Variants in PCED1B observed in about 807,000 individuals in gnomAD.
PCED1B encodes the protein PC-esterase domain containing 1B.
For synonymous variants in PCED1B, 251 were observed against 246.1 expected, an observed-to-expected ratio of 1.02 and a Z score of -0.19; for missense variants, 573 against 573.9, an observed-to-expected ratio of 1.00 and a Z score of 0.02.
At chr12:47,200,144 A>C (rs1459577162) in intron 2 of PCED1B, among the ~76,000 whole-genome samples, 1 of 151,994 alleles carries the variant, frequency 6.6e-6, no homozygotes, top group African/African-American at 2.4e-5. Context: ...GTAGTGAACC[A>C]AGTTCACACC....
chr12:47,200,155 A>G (rs1399659817), intron 2 of PCED1B, among the ~76,000 whole-genome samples: 1 of 152,016 alleles, frequency 6.6e-6, no homozygotes, highest in East Asian at 1.9e-4. Flanking sequence ...AGTTCACACC[A>G]CTGCACTCCA....
At chr12:47,171,442 T>A (rs1191944571) in intron 2 of PCED1B, among the ~76,000 whole-genome samples, 1 of 152,198 alleles carries the variant, frequency 6.6e-6, no homozygotes, top group Non-Finnish European at 1.5e-5. Context: ...AGATTTCTCT[T>A]GCAGTAAATT....
At chr12:47,185,759 C>T (rs1942237436) in intron 2 of PCED1B, among the ~76,000 whole-genome samples, 1 of 149,844 alleles carries the variant, frequency 6.7e-6, no homozygotes, top group African/African-American at 2.5e-5. Context: ...ACTACTACTC[C>T]AGCTTGGGCA....
chr12:47,234,216 G>A (rs1425012679), intron 3 of PCED1B, among the ~76,000 whole-genome samples: 2 of 152,032 alleles, frequency 1.3e-5, no homozygotes, highest in South Asian at 2.1e-4. Context: ...TCGGACTCCC[G>A]ACCTCGGGTG....
rs1592274318 is a variant in PCED1B, at chr12:47,200,252, G to A, written c.-525-15970G>A. Reference sequence around the variant, plus strand: ...AGTGTTAATATTCAACAGTATGAAAGCAAACAACCCAAGTAAAAACACGGG... The same window carrying A: ...AGTGTTAATATTCAACAGTATGAAAACAAACAACCCAAGTAAAAACACGGG... On this transcript the variant is annotated intron_variant, in intron 2 of 3. Coordinates refer to ENST00000546455, the MANE Select transcript of PCED1B (RefSeq NM_138371.3). 4.6e-5 allele frequency among the ~76,000 whole-genome samples: 7 copies of A among 151,676 alleles called. No homozygotes were observed. In the South Asian group the frequency reaches 1.5e-3, roughly 31 times the overall value.
intron 2 of PCED1B, among the ~76,000 whole-genome samples, chr12:47,160,303 T>A (rs1482827762): frequency 4.5e-5 from 6 of 132,326 alleles, no homozygotes; most frequent in Non-Finnish European, 1.6e-5. Flanking sequence ...CTTTTTTTTT[T>A]TTTTTTTTTT....
intron 2 of PCED1B, among the ~76,000 whole-genome samples, chr12:47,168,227 C>T (rs568009240): frequency 6.6e-6 from 1 of 152,248 alleles, no homozygotes; most frequent in Non-Finnish European, 1.5e-5. Context: ...GTCTTTTAAG[C>T]CTCCTTCTGT....
At chr12:47,151,875 G>A (rs1194195686) in intron 2 of PCED1B, among the ~76,000 whole-genome samples, 1 of 152,148 alleles carries the variant, frequency 6.6e-6, no homozygotes, top group Non-Finnish European at 1.5e-5. Context: ...ATCCCACCCA[G>A]AAACAGTCTT....
At chr12:47,106,539 C>T (rs752623492) in intron 2 of PCED1B, among the ~76,000 whole-genome samples, 15 of 152,108 alleles carry the variant, frequency 9.9e-5, no homozygotes, top group Non-Finnish European at 2.1e-4. Flanking sequence ...GGAAAAGCAT[C>T]AGCAAACGCG....
At chr12:47,098,798 A>G (rs1298559224) in intron 1 of PCED1B, among the ~76,000 whole-genome samples, 1 of 152,142 alleles carries the variant, frequency 6.6e-6, no homozygotes, top group Non-Finnish European at 1.5e-5. Flanking sequence ...TTTTTTTAAA[A>G]GCAAAGAGAC....
At chr12:47,210,220 A>G (rs1046380606) in intron 2 of PCED1B, 35 of 152,222 alleles carry the variant, frequency 2.3e-4, no homozygotes, top group African/African-American at 8.2e-4. Context: ...GTATTTTAAA[A>G]CTATGCCATA....
intron 2 of PCED1B, among the ~76,000 whole-genome samples, chr12:47,214,545 T>C (rs1044266949): frequency 6.6e-6 from 1 of 152,126 alleles, no homozygotes; most frequent in African/African-American, 2.4e-5. Flanking sequence ...CGGTGGCTCA[T>C]GCCTGTGATC....
intron 3 of PCED1B, among the ~76,000 whole-genome samples, chr12:47,217,572 GTTGTTT>G (rs1436896180): frequency 1.2e-4 from 18 of 151,910 alleles, no homozygotes; most frequent in Admixed American, 2.6e-4. Flanking sequence ...AATTTCTTAG[GTTGTTT>G]TTGTTTTTGT....
intron 2 of PCED1B, among the ~76,000 whole-genome samples, chr12:47,188,096 C>T (rs912124210): frequency 1.3e-5 from 2 of 152,152 alleles, no homozygotes; most frequent in African/African-American, 4.8e-5. Context: ...AGACATACCT[C>T]TGTCATGGCA....
rs565677658 is a variant in PCED1B at position 47,130,010 on chromosome 12, G to T, written c.-526+25815G>T. ...TAGTAGGTAAGACTCTGACTTCCTT[G>T]TTCCCTTTTCATCTAGAGCACTTTC... On this transcript the variant is annotated intron_variant, in intron 2 of 3. Coordinates refer to ENST00000546455, the MANE Select transcript of PCED1B (RefSeq NM_138371.3). Among the ~76,000 whole-genome samples the T allele has an allele frequency of 4.1e-4, 62 of 152,270 alleles. 1 individual carries two copies. In the South Asian group the frequency reaches 0.013, roughly 31 times the overall value.
At chr12:47,131,017 A>C (rs1224563764) in intron 2 of PCED1B, among the ~76,000 whole-genome samples, 2 of 152,214 alleles carry the variant, frequency 1.3e-5, no homozygotes, top group Admixed American at 6.5e-5. Context: ...TAATAATCAT[A>C]TTCAGTATGT....
At chr12:47,128,874 A>G (rs1198701975) in intron 2 of PCED1B, among the ~76,000 whole-genome samples, 1 of 152,226 alleles carries the variant, frequency 6.6e-6, no homozygotes, top group East Asian at 1.9e-4. Flanking sequence ...AGAAAACAAC[A>G]GGGAATGCTT....
In PCED1B at chr12:47,216,547, G is replaced by A. The variant is rs1041922725; in HGVS notation, c.-200G>A. On this transcript the variant is annotated 5_prime_UTR_variant, in exon 3 of 4. Coordinates refer to ENST00000546455, the MANE Select transcript of PCED1B (RefSeq NM_138371.3). ...GCTTGCAAGCACAGCAGCACCCAGAGGCTAACCTATTTCCCCTATAGCCCA... is the reference window on the plus strand; with the variant it reads ...GCTTGCAAGCACAGCAGCACCCAGAAGCTAACCTATTTCCCCTATAGCCCA... The A allele has an allele frequency of 3.3e-5, 5 of 152,176 alleles. No homozygotes were observed. The highest frequency in any genetic ancestry group is 1.2e-4 in the African/African-American group (5 of 41,424). 9.4% of individuals were successfully genotyped at this position (152,176 alleles called of 1,614,324 possible). A position where few individuals can be genotyped will look rare whatever the true frequency, so the allele number is the denominator to read the frequency against.
chr12:47,207,848 T>C (rs984155738), intron 2 of PCED1B, among the ~76,000 whole-genome samples: 7 of 152,270 alleles, frequency 4.6e-5, no homozygotes, highest in African/African-American at 1.7e-4. Context: ...ATTTAAAGAA[T>C]AACAAGCTCC....
Sources: allele counts gnomAD v4.1 joint callset (sites outside exome capture counted in the v4.1 genomes callset), GRCh38; gene constraint gnomAD v4.1.1; transcripts MANE v1.5; gene names NCBI Gene and HGNC (gene_info 2026-07-23, HGNC 2026-07-21).